FUT8: variants seen among roughly 807,000 people sequenced by gnomAD.
The protein encoded by FUT8 is alpha-(1,6)-fucosyltransferase.
In FUT8, 29 loss-of-function variants were observed where a neutral mutation model predicts 71.3. The ratio of observed to expected loss-of-function variants is 0.41; its 90% CI spans 0.30 to 0.55. The LOEUF (loss-of-function observed/expected upper bound fraction) is 0.55. FUT8 is among the 20% of genes least tolerant of loss of function. The pLI, the probability that FUT8 is intolerant of heterozygous loss-of-function variation, is 0.34. For missense variants in FUT8, 544 were observed against 702.1 expected (o/e 0.77, Z 2.55); for synonymous variants, 254 against 239.3 (o/e 1.06, Z -0.57).
At chr14:65,668,856 A>G (rs1425823922) in intron 6 of FUT8, among the ~76,000 whole-genome samples, 1 of 152,220 alleles carries the variant, frequency 6.6e-6, no homozygotes, top group Non-Finnish European at 1.5e-5. Flanking sequence ...GCCATAAAAA[A>G]GAATGAGATC....
At chr14:65,617,124 A>G (rs1594822350) in intron 5 of FUT8, 1 of 1,598,044 alleles carries the variant, frequency 6.3e-7, no homozygotes, top group East Asian at 2.3e-5. Flanking sequence ...ATTAGTGAAC[A>G]ATAAAAGAAA....
intron 9 of FUT8, among the ~76,000 whole-genome samples, chr14:65,730,333 G>A (rs1226482171): frequency 6.6e-6 from 1 of 152,110 alleles, no homozygotes; most frequent in Non-Finnish European, 1.5e-5. Context: ...GAAGATGATT[G>A]GTTAATGCTT....
At chr14:65,498,211 C>A (rs560086776) in intron 2 of FUT8, among the ~76,000 whole-genome samples, 1 of 152,172 alleles carries the variant, frequency 6.6e-6, no homozygotes, top group South Asian at 2.1e-4. Flanking sequence ...AAGTTGTATC[C>A]CCACAGTGCT....
chr14:65,621,871 C>T (rs1445513567), intron 5 of FUT8, among the ~76,000 whole-genome samples: 1 of 152,100 alleles, frequency 6.6e-6, no homozygotes, highest in Non-Finnish European at 1.5e-5. Context: ...GTCATCCAGG[C>T]AGAAGTGCAG....
intron 2 of FUT8, among the ~76,000 whole-genome samples, chr14:65,532,408 C>T (rs78522770): frequency 0.012 from 1,826 of 152,142 alleles, 15 homozygotes; most frequent in South Asian, 0.024. Context: ...GGCTTTTTTT[C>T]ATATACTTGT....
intron 2 of FUT8, among the ~76,000 whole-genome samples, chr14:65,539,604 C>T (rs1884555320): frequency 6.6e-6 from 1 of 152,038 alleles, no homozygotes; most frequent in African/African-American, 2.4e-5. Flanking sequence ...AATATGGGTA[C>T]TTATTTATGT....
intron 3 of FUT8, among the ~76,000 whole-genome samples, chr14:65,611,195 A>G (rs1325817953): frequency 7.0e-5 from 1 of 14,310 alleles, no homozygotes; most frequent in African/African-American, 1.3e-4. Flanking sequence ...ACACACACAC[A>G]CACGCGCGCG....
chr14:65,645,210 A>AGTGAGG (rs1333901325), intron 6 of FUT8, among the ~76,000 whole-genome samples: 2 of 152,248 alleles, frequency 1.3e-5, no homozygotes, highest in Non-Finnish European at 1.5e-5. Flanking sequence ...ATCTGTGAAT[A>AGTGAGG]GTGAGGATTG....
At chr14:65,425,254 C>T (rs980961710) in intron 1 of FUT8, among the ~76,000 whole-genome samples, 1 of 151,996 alleles carries the variant, frequency 6.6e-6, no homozygotes, top group Non-Finnish European at 1.5e-5. Context: ...CAACCTCCAC[C>T]TCCTGGGTTC....
At chr14:65,417,294 A>G (rs201610009) in intron 1 of FUT8, among the ~76,000 whole-genome samples, 4 of 122,874 alleles carry the variant, frequency 3.3e-5, no homozygotes, top group African/African-American at 6.2e-5. Flanking sequence ...CTTTCTTTCA[A>G]CATTCTAATC....
the FUT8 span, among the ~76,000 whole-genome samples, chr14:65,400,638 C>A: frequency 2.6e-5 from 4 of 152,182 alleles, no homozygotes; most frequent in African/African-American, 9.7e-5. Context: ...ATAATCCCAG[C>A]ACTTTGGGAG....
chr14:65,500,287 C>T (rs1301249906), intron 2 of FUT8, among the ~76,000 whole-genome samples: 1 of 152,118 alleles, frequency 6.6e-6, no homozygotes, highest in East Asian at 1.9e-4. Flanking sequence ...TGCCTTGGCT[C>T]TGTGTCATAC....
intron 2 of FUT8, among the ~76,000 whole-genome samples, chr14:65,492,088 A>T (rs988470610): frequency 5.9e-5 from 9 of 152,216 alleles, no homozygotes; most frequent in African/African-American, 2.2e-4. Flanking sequence ...CTTAGCAAAA[A>T]ATGAGATTAT....
the FUT8 span, among the ~76,000 whole-genome samples, chr14:65,372,417 T>A: frequency 6.8e-6 from 1 of 146,172 alleles, no homozygotes; most frequent in East Asian, 2.0e-4. Flanking sequence ...CCCTTCCTTC[T>A]TTTTTTTTTT....
At chr14:65,502,893 G>A (rs994597939) in intron 2 of FUT8, among the ~76,000 whole-genome samples, 6 of 152,196 alleles carry the variant, frequency 3.9e-5, no homozygotes, top group African/African-American at 2.4e-5. Context: ...CTGAGATTGT[G>A]CATTTCTAAC....
the FUT8 span, among the ~76,000 whole-genome samples, chr14:65,405,065 C>A: frequency 1.3e-5 from 2 of 152,152 alleles, no homozygotes; most frequent in African/African-American, 4.8e-5. Context: ...TATGTTATTC[C>A]CAGGGTACAG....
At chr14:65,400,935 A>T in the FUT8 span, among the ~76,000 whole-genome samples, 1 of 152,162 alleles carries the variant, frequency 6.6e-6, no homozygotes, top group African/African-American at 2.4e-5. Flanking sequence ...TACCATTATC[A>T]TACCGCTTTC....
chr14:65,498,775 G>A (rs2066599697), intron 2 of FUT8, among the ~76,000 whole-genome samples: 1 of 151,996 alleles, frequency 6.6e-6, no homozygotes, highest in South Asian at 2.1e-4. Flanking sequence ...GTAACATTTG[G>A]GTCTTACTGA....
Position 65,622,916 on chromosome 14 carries a change from T to TTG in FUT8, c.482+6544_482+6545insGT, listed in dbSNP as rs199743327. On this transcript the variant is annotated intron_variant, in intron 5 of 10. Coordinates refer to ENST00000673929, the MANE Select transcript of FUT8 (RefSeq NM_001371533.1). ...CCTTAGGGGGAGCTTCTCTGTTTTT[T>TTG]TTTTTTTTTTTGAGGCAGTGTCTCT... 3.1e-3 allele frequency among the ~76,000 whole-genome samples: 459 copies of TTG among 150,292 alleles called. 5 individuals carry two copies. In the East Asian group the frequency reaches 0.035, roughly 11 times the overall value.
Sources: gnomAD v4.1 joint callset for allele counts (sites outside exome capture counted in the v4.1 genomes callset) on GRCh38, gnomAD v4.1.1 for gene constraint, MANE v1.5 for transcripts, NCBI Gene and HGNC (gene_info 2026-07-23, HGNC 2026-07-21) for gene names.